The following TRPM2 variants were observed in gnomAD, a reference collection of about 807,000 sequenced individuals.
The protein encoded by TRPM2 is estrogen-responsive element-associated gene 1 protein.
TRPM2 carries 161 observed loss-of-function variants against 174.0 expected under a neutral mutation model. The observed-to-expected ratio is 0.93, with a 90% CI of 0.81 to 1.05. TRPM2 has a LOEUF of 1.05. TRPM2 is among the 50% of genes least tolerant of loss of function. The pLI is 0.00. For synonymous variants in TRPM2, 954 were observed against 861.3 expected, an observed-to-expected ratio of 1.11 and a Z score of -1.88; for missense variants, 2,057 against 2,038.0, an observed-to-expected ratio of 1.01 and a Z score of -0.18.
chr21:44,417,419 G>T (rs1270946345), intron 20 of TRPM2, among the ~76,000 whole-genome samples: 4 of 92,238 alleles, frequency 4.3e-5, no homozygotes, highest in East Asian at 7.1e-4. Context: ...CATCACAGTG[G>T]GCACGTGGGC....
intron 22 of TRPM2, 49 bp downstream of exon 22, chr21:44,418,604 C>G: frequency 6.2e-7 from 1 of 1,605,944 alleles, no homozygotes; most frequent in Non-Finnish European, 8.5e-7. Context: ...TGGGGGACCT[C>G]CTGCAGGTCC....
Position 44,438,143 on chromosome 21 carries a change from T to G in TRPM2, c.4168-924T>G, listed in dbSNP as rs559964574. On this transcript the variant is annotated intron_variant, in intron 29 of 31. Coordinates refer to ENST00000397928, the MANE Select transcript of TRPM2 (RefSeq NM_003307.4). This position sits in a 1 kb window ranked among gnomAD's most constrained non-coding sequence, Gnocchi z 5.9. ...GGCCCAGCTGCTGGGTCCCAGTGCT[T>G]TGGGGGCCTGTCTCCACAGCTGGAA... Among the ~76,000 whole-genome samples the G allele has an allele frequency of 2.0e-5, 3 of 152,314 alleles. No homozygotes were observed. Among genetic ancestry groups the G allele is most frequent in the Non-Finnish European group, 2.9e-5 (2 of 68,010 alleles).
At chr21:44,422,542 C>A (rs2146365061) in intron 22 of TRPM2, 3 of 1,281,414 alleles carry the variant, frequency 2.3e-6, no homozygotes, top group South Asian at 3.0e-5. Flanking sequence ...TGGGTCATAT[C>A]CCCAGAAAGT....
At chr21:44,412,360 A>G (rs1437337454) in intron 19 of TRPM2, among the ~76,000 whole-genome samples, 1 of 152,046 alleles carries the variant, frequency 6.6e-6, no homozygotes, top group Non-Finnish European at 1.5e-5. Flanking sequence ...ATTCATCTAG[A>G]TCATCTAATT....
chr21:44,400,274 G>A lies in TRPM2; in HGVS notation c.2224G>A (p.Val742Met), dbSNP rs747528296. 1.2e-6 allele frequency: 2 copies of A among 1,612,616 alleles called. No homozygotes were observed. Among genetic ancestry groups the A allele is most frequent in the Non-Finnish European group, 8.5e-7 (1 of 1,179,748 alleles). ...HGGIQAFLTK[V>M]WWGQLSVDNG... The stretch of plus-strand genomic sequence containing the variant: ...CCATCCGCAGGCCTTCCTGACCAAG[G>A]TGTGGTGGGGCCAGCTCTCCGTGGA... Residue 742 changes from valine (V) to methionine (M), a missense_variant, in exon 15 of 32, where the codon GTG becomes ATG. By Grantham distance (21) the Val-to-Met change is conservative. Transcript: ENST00000397928.
Position 44,354,522 on chromosome 21 carries a change from C to A in TRPM2, c.166-126C>A. Reference sequence around the variant, plus strand: ...GTGCTTCTAATCTTTGGCTCAGGGTCGCGCAGGCTTCCTTCCTTCAAGCAA... The same window carrying A: ...GTGCTTCTAATCTTTGGCTCAGGGTAGCGCAGGCTTCCTTCCTTCAAGCAA... On this transcript the variant is annotated intron_variant, in intron 1 of 31. Transcript: ENST00000397928. This position sits in a 1 kb window ranked among gnomAD's most constrained non-coding sequence, Gnocchi z 4.3. 1.3e-6 allele frequency: 1 copy of A among 767,690 alleles called. No individual in the cohort carries two copies. The highest frequency in any genetic ancestry group is 2.2e-6 in the Non-Finnish European group (1 of 450,330). 47.6% of individuals were successfully genotyped at this position (767,690 alleles called of 1,614,324 possible).
intron 22 of TRPM2, among the ~76,000 whole-genome samples, chr21:44,421,010 GGGCT>G (rs2050528463): frequency 6.6e-6 from 1 of 152,156 alleles, no homozygotes; most frequent in Non-Finnish European, 1.5e-5. Context: ...TTAAGGGAGT[GGGCT>G]GGACCCCAAA....
chr21:44,401,605 G>A (rs1284373506), intron 15 of TRPM2, 76 bp from the exon 16 acceptor site: 14 of 1,484,858 alleles, frequency 9.4e-6, no homozygotes, highest in Non-Finnish European at 1.2e-5. Context: ...GGGGGATCAC[G>A]GGGTGGCCAA....
chr21:44,388,863 G>T (rs980034654), intron 9 of TRPM2, among the ~76,000 whole-genome samples: 1 of 151,942 alleles, frequency 6.6e-6, no homozygotes, highest in South Asian at 2.1e-4. Context: ...AACCCAAAAA[G>T]TTAAGATGGT....
At chr21:44,377,891 C>T in intron 7 of TRPM2, 118 bp downstream of exon 7, 4 of 1,177,934 alleles carry the variant, frequency 3.4e-6, no homozygotes, top group Non-Finnish European at 4.8e-6. Flanking sequence ...ATGAGCTTTC[C>T]CACCAGAAGA....
chr21:44,407,965 T>C (rs1050176037), intron 19 of TRPM2, among the ~76,000 whole-genome samples: 25 of 151,968 alleles, frequency 1.6e-4, no homozygotes, highest in Admixed American at 1.6e-3. Flanking sequence ...TCTCGCTCTG[T>C]TTTCTTTTTC....
intron 8 of TRPM2, among the ~76,000 whole-genome samples, chr21:44,381,136 G>A (rs886076292): frequency 1.3e-5 from 2 of 152,058 alleles, no homozygotes; most frequent in Non-Finnish European, 2.9e-5. Context: ...GGTGGAGTGT[G>A]AGGAGCCCTC....
In TRPM2 at chr21:44,417,861, C is replaced by T. The variant is rs201323768; in HGVS notation, c.3147-66C>T. The T allele has an allele frequency of 8.6e-4, 1,309 of 1,521,730 alleles. 3 individuals are homozygous for T. The highest frequency in any genetic ancestry group is 3.3e-3 in the Middle Eastern group (19 of 5,776). The allele number at this position is 1,521,730 out of a possible 1,614,324, so 94.3% of individuals were successfully genotyped here. A position where few individuals can be genotyped will look rare whatever the true frequency, so the allele number is the denominator to read the frequency against. On this transcript the variant is annotated intron_variant, in intron 20 of 31. Transcript: ENST00000397928. ...TGTGGCATCACAGTGGGCACGCAGG[C>T]GGTGAGAGGGGTCTGTTCTGGGTAA...
chr21:44,424,344 A>G (rs1244633929), intron 23 of TRPM2, among the ~76,000 whole-genome samples: 1 of 151,842 alleles, frequency 6.6e-6, no homozygotes, highest in Non-Finnish European at 1.5e-5. Context: ...GCCGCCCTCT[A>G]CCCCTGTCTT....
rs184192018 is a variant in TRPM2 at position 44,384,083 on chromosome 21, A to T, written c.1318+1263A>T. 2.9e-3 allele frequency among the ~76,000 whole-genome samples: 443 copies of T among 152,336 alleles called. 1 individual carries two copies. The highest frequency in any genetic ancestry group is 9.9e-3 in the African/African-American group (411 of 41,576). ...AGTGAAAAATTGGTTATTTGAAAAGATCAACAAAATTGACACACATTTAGC... is the reference window on the plus strand; with the variant it reads ...AGTGAAAAATTGGTTATTTGAAAAGTTCAACAAAATTGACACACATTTAGC... On this transcript the variant is annotated intron_variant, in intron 9 of 31. Coordinates refer to ENST00000397928, the MANE Select transcript of TRPM2 (RefSeq NM_003307.4).
intron 2 of TRPM2, among the ~76,000 whole-genome samples, chr21:44,357,178 C>T (rs1477838107): frequency 1.3e-5 from 2 of 152,216 alleles, no homozygotes; most frequent in East Asian, 3.9e-4. Context: ...ATGGGACTCA[C>T]TCTGGTTTGA....
intron 16 of TRPM2, among the ~76,000 whole-genome samples, chr21:44,404,382 C>CAT (rs553764006): frequency 1.3e-5 from 2 of 151,438 alleles, no homozygotes; most frequent in South Asian, 4.2e-4. Flanking sequence ...CACATACATA[C>CAT]ACACACATAT....
At chr21:44,425,391 G>A (rs994213153) in intron 24 of TRPM2, 7 of 431,502 alleles carry the variant, frequency 1.6e-5, no homozygotes, top group South Asian at 6.6e-5. Flanking sequence ...ATTTGCCCTC[G>A]TAACCGCACT....
At position 44,377,788 on chromosome 21, in the gene TRPM2, G is replaced by T; in HGVS notation, c.1014+15G>T. ...GCACGTTGCACGTGAGTATGGCCAGGTGGGAGGGGGCATGTGTGGGCCCGT... is the reference window on the plus strand; with the variant it reads ...GCACGTTGCACGTGAGTATGGCCAGTTGGGAGGGGGCATGTGTGGGCCCGT... On this transcript the variant is annotated intron_variant, in intron 7 of 31. Coordinates refer to ENST00000397928, the MANE Select transcript of TRPM2 (RefSeq NM_003307.4). 1 of 1,613,920 alleles carries T rather than the reference G, an allele frequency of 6.2e-7. No individual in the cohort carries two copies.
Sources: gnomAD v4.1 joint callset for allele counts (sites outside exome capture counted in the v4.1 genomes callset) on GRCh38, gnomAD v4.1.1 for gene constraint, Gnocchi (gnomAD v3.1) non-coding constraint, MANE v1.5 for transcripts, NCBI Gene and HGNC (gene_info 2026-07-23, HGNC 2026-07-21) for gene names.